Variants in SRRM4 observed in about 807,000 individuals in gnomAD.
SRRM4 encodes serine/arginine repetitive matrix protein 4.
SRRM4 carries 33 observed loss-of-function variants against 68.9 expected under a neutral mutation model. The ratio of observed to expected loss-of-function variants is 0.48; its 90% CI spans 0.36 to 0.64. The LOEUF (loss-of-function observed/expected upper bound fraction) is 0.64. SRRM4 is among the 30% of genes least tolerant of loss of function. The pLI, the probability that SRRM4 is intolerant of heterozygous loss-of-function variation, is 0.00. For missense variants in SRRM4, 817 were observed against 827.1 expected (o/e 0.99, Z 0.15); for synonymous variants, 318 against 318.8 (o/e 1.00, Z 0.03).
At chr12:119,053,846 C>T (rs1226989223) in intron 1 of SRRM4, among the ~76,000 whole-genome samples, 1 of 152,070 alleles carries the variant, frequency 6.6e-6, no homozygotes, top group Non-Finnish European at 1.5e-5. Context: ...ATGGAGAATG[C>T]AGTATCCATC....
intron 1 of SRRM4, among the ~76,000 whole-genome samples, chr12:119,076,922 G>A (rs1321647785): frequency 6.9e-6 from 1 of 145,054 alleles, no homozygotes; most frequent in African/African-American, 2.5e-5. Context: ...TAAAGCACTG[G>A]GAAATGTTCT....
chr12:119,080,867 G>C (rs1263961211), intron 1 of SRRM4, among the ~76,000 whole-genome samples: 2 of 152,162 alleles, frequency 1.3e-5, no homozygotes, highest in Non-Finnish European at 2.9e-5. Flanking sequence ...AACAGGTGAT[G>C]TTTACATACA....
At chr12:118,989,448 C>T (rs535472277) in intron 1 of SRRM4, among the ~76,000 whole-genome samples, 1 of 152,224 alleles carries the variant, frequency 6.6e-6, no homozygotes, top group South Asian at 2.1e-4. Flanking sequence ...ATCCCTTGCA[C>T]CCAGTAGCCC....
chr12:119,043,756 A>T (rs1424585885), intron 1 of SRRM4, among the ~76,000 whole-genome samples: 1 of 140,858 alleles, frequency 7.1e-6, no homozygotes. Context: ...AAACACATAC[A>T]CATGCACACA....
intron 1 of SRRM4, among the ~76,000 whole-genome samples, chr12:119,011,155 A>G (rs542235370): frequency 6.6e-6 from 1 of 152,368 alleles, no homozygotes; most frequent in East Asian, 1.9e-4. Context: ...ATCATTCACA[A>G]GCTTTCCTCC....
chr12:119,130,692 C>T lies in SRRM4; in HGVS notation c.629C>T (p.Ser210Phe). ...SSCESRHRGR[S>F]PEEGQKSRRR... ...CCCATCCCCAGGCACCGCGGCCGGTCCCCTGAGGAAGGGCAGAAGTCCCGC... is the reference window on the plus strand; with the variant it reads ...CCCATCCCCAGGCACCGCGGCCGGTTCCCTGAGGAAGGGCAGAAGTCCCGC... The change falls in exon 8 of 13, where the codon TCC becomes TTC. Residue 210 changes from serine (S) to phenylalanine (F), a missense_variant. Physicochemically the swap from Ser to Phe is radical, Grantham distance 155. Transcript: ENST00000267260. 7 of 1,611,022 alleles carry T rather than the reference C, an allele frequency of 4.3e-6. No homozygotes were observed. Among genetic ancestry groups the T allele is most frequent in the Non-Finnish European group, 5.9e-6 (7 of 1,179,502 alleles).
chr12:119,123,336 G>A lies in SRRM4; in HGVS notation c.515+1216G>A, dbSNP rs969104277. ...ACTTCCTCATCATCGAATTTGTTCC[G>A]CTCAAGTCAAGAGACAATTATTGGC... On this transcript the variant is annotated intron_variant, in intron 6 of 12. Coordinates refer to ENST00000267260, the MANE Select transcript of SRRM4 (RefSeq NM_194286.4). Among the ~76,000 whole-genome samples the A allele has an allele frequency of 3.9e-5, 6 of 152,118 alleles. 1 individual carries two copies. The South Asian group carries it at 6.2e-4, about 16-fold the overall frequency.
intron 5 of SRRM4, among the ~76,000 whole-genome samples, chr12:119,121,157 T>C (rs906661941): frequency 1.3e-5 from 2 of 152,186 alleles, no homozygotes; most frequent in African/African-American, 4.8e-5. Flanking sequence ...CAGTTGAATT[T>C]GGATCTGTCA....
At chr12:119,106,289 C>A (rs940640536) in intron 2 of SRRM4, among the ~76,000 whole-genome samples, 1 of 152,080 alleles carries the variant, frequency 6.6e-6, no homozygotes, top group African/African-American at 2.4e-5. Context: ...CTTGGCAATG[C>A]GGGCTCTTTT....
At chr12:119,100,285 G>C (rs1954070352) in intron 1 of SRRM4, among the ~76,000 whole-genome samples, 1 of 136,888 alleles carries the variant, frequency 7.3e-6, no homozygotes. Flanking sequence ...GAGCCCAGGA[G>C]TTCAAGACCA....
At chr12:119,121,968 A>G in intron 5 of SRRM4, 102 bp from the exon 6 acceptor site, 1 of 785,984 alleles carries the variant, frequency 1.3e-6, no homozygotes, top group Non-Finnish European at 2.2e-6. Flanking sequence ...TGTCCATTCC[A>G]AAACTGCCTG....
rs558891703 is a variant in SRRM4 at position 119,011,996 on chromosome 12, A to T, written c.131+29983A>T. On this transcript the variant is annotated intron_variant, in intron 1 of 12. Coordinates refer to ENST00000267260, the MANE Select transcript of SRRM4 (RefSeq NM_194286.4). ...AGTAAGGTAACATCTGCAAGCATTTAGCACTGTCCTGATATCTAGTTAAGT... is the reference window on the plus strand; with the variant it reads ...AGTAAGGTAACATCTGCAAGCATTTTGCACTGTCCTGATATCTAGTTAAGT... Among the ~76,000 whole-genome samples, 3 of 152,358 alleles carry T rather than the reference A, an allele frequency of 2.0e-5. No homozygotes were observed. The East Asian group carries it at 5.8e-4, about 29-fold the overall frequency.
chr12:119,049,887 C>A (rs1026589159), intron 1 of SRRM4, among the ~76,000 whole-genome samples: 3 of 152,124 alleles, frequency 2.0e-5, no homozygotes, highest in African/African-American at 7.2e-5. Context: ...CCTCATTATA[C>A]CTTAATTACC....
intron 1 of SRRM4, among the ~76,000 whole-genome samples, chr12:119,041,183 G>A (rs1183856305): frequency 6.6e-6 from 1 of 152,148 alleles, no homozygotes; most frequent in East Asian, 1.9e-4. Flanking sequence ...AGGAAACCAA[G>A]GCACAGAGAG....
At chr12:119,050,547 C>A (rs1347212348) in intron 1 of SRRM4, among the ~76,000 whole-genome samples, 1 of 152,206 alleles carries the variant, frequency 6.6e-6, no homozygotes, top group Non-Finnish European at 1.5e-5. Flanking sequence ...GTGGAACTTG[C>A]AGCAGAGTGT....
At chr12:119,104,272 A>C (rs1473164800) in intron 2 of SRRM4, among the ~76,000 whole-genome samples, 2 of 152,120 alleles carry the variant, frequency 1.3e-5, no homozygotes, top group Non-Finnish European at 2.9e-5. Flanking sequence ...CCAGAAGAGA[A>C]GATTCTGGTT....
At chr12:118,995,892 T>C (rs1258397270) in intron 1 of SRRM4, among the ~76,000 whole-genome samples, 2 of 152,160 alleles carry the variant, frequency 1.3e-5, no homozygotes, top group Non-Finnish European at 2.9e-5. Context: ...TATCCACCTG[T>C]CAGTCAAGCA....
intron 1 of SRRM4, among the ~76,000 whole-genome samples, chr12:119,025,120 T>G (rs1288817805): frequency 6.6e-6 from 1 of 151,258 alleles, no homozygotes; most frequent in Non-Finnish European, 1.5e-5. Context: ...TGCATTAGGG[T>G]GTGTGTGTGT....
chr12:119,134,180 C>T (rs762267390), intron 8 of SRRM4, among the ~76,000 whole-genome samples: 1 of 152,032 alleles, frequency 6.6e-6, no homozygotes, highest in Non-Finnish European at 1.5e-5. Flanking sequence ...TATCAAGGGG[C>T]TTATTTACAT....
Sources: gnomAD v4.1 joint callset for allele counts (sites outside exome capture counted in the v4.1 genomes callset) on GRCh38, gnomAD v4.1.1 for gene constraint, MANE v1.5 for transcripts, NCBI Gene and HGNC (gene_info 2026-07-23, HGNC 2026-07-21) for gene names.